NEGR1: variants seen among roughly 807,000 people sequenced by gnomAD.
The protein encoded by NEGR1 is neuronal growth regulator 1.
NEGR1 carries 10 observed loss-of-function variants against 40.9 expected under a neutral mutation model. The observed-to-expected ratio is 0.24, with a 90% CI of 0.15 to 0.42. The LOEUF is 0.42. Among genes scored for constraint, NEGR1 ranks in the 10% least tolerant of loss-of-function variants. The pLI, the probability that NEGR1 is intolerant of heterozygous loss-of-function variation, is 1.00. For missense variants in NEGR1, 352 were observed against 438.9 expected (o/e 0.80, Z 1.77); for synonymous variants, 185 against 166.8 (o/e 1.11, Z -0.84).
At chr1:71,690,140 C>T (rs952237534) in intron 4 of NEGR1, among the ~76,000 whole-genome samples, 1 of 151,996 alleles carries the variant, frequency 6.6e-6, no homozygotes, top group African/African-American at 2.4e-5. Flanking sequence ...TATACACATA[C>T]ACAAAACACA....
chr1:72,256,441 C>A (rs888579357), intron 1 of NEGR1, among the ~76,000 whole-genome samples: 19 of 152,112 alleles, frequency 1.2e-4, no homozygotes, highest in African/African-American at 3.9e-4. Context: ...CAAGATTGTG[C>A]TTTTTGTTTA....
intron 4 of NEGR1, among the ~76,000 whole-genome samples, chr1:71,632,163 T>C (rs1291143204): frequency 2.6e-5 from 4 of 151,750 alleles, no homozygotes; most frequent in Non-Finnish European, 3.0e-5. Flanking sequence ...GAACTGTAAA[T>C]ATGGAACCTA....
At chr1:71,417,643 G>GCATAC (rs1000766792) in intron 6 of NEGR1, among the ~76,000 whole-genome samples, 12 of 152,210 alleles carry the variant, frequency 7.9e-5, no homozygotes, top group African/African-American at 2.6e-4. Flanking sequence ...TAACAATCAA[G>GCATAC]CATACGAGGT....
intron 6 of NEGR1, among the ~76,000 whole-genome samples, chr1:71,554,696 TC>T (rs1226771471): frequency 1.3e-5 from 2 of 151,582 alleles, no homozygotes; most frequent in African/African-American, 4.8e-5. Context: ...ATTTGGACAT[TC>T]TAGAATAAAA....
chr1:72,079,021 G>T (rs7542974), intron 1 of NEGR1, among the ~76,000 whole-genome samples: 1 of 149,684 alleles, frequency 6.7e-6, no homozygotes, highest in Non-Finnish European at 1.5e-5. Context: ...TGATAAATGA[G>T]GTTATTTAGA....
At chr1:72,046,821 T>A (rs1408775019) in intron 1 of NEGR1, among the ~76,000 whole-genome samples, 3 of 151,524 alleles carry the variant, frequency 2.0e-5, no homozygotes, top group Admixed American at 6.6e-5. Flanking sequence ...CAGAAGAAAC[T>A]TAATGTATAA....
At chr1:72,201,803 T>C (rs1341231028) in intron 1 of NEGR1, among the ~76,000 whole-genome samples, 2 of 151,968 alleles carry the variant, frequency 1.3e-5, no homozygotes, top group Non-Finnish European at 2.9e-5. Flanking sequence ...TAAAAAGGTA[T>C]GAGAATATAA....
intron 4 of NEGR1, among the ~76,000 whole-genome samples, chr1:71,628,697 G>C (rs1650870675): frequency 6.6e-6 from 1 of 151,862 alleles, no homozygotes; most frequent in South Asian, 2.1e-4. Flanking sequence ...AGTTTGCTGA[G>C]AATGATGGTT....
chr1:72,251,382 AT>A (rs1157067895), intron 1 of NEGR1, among the ~76,000 whole-genome samples: 1 of 152,202 alleles, frequency 6.6e-6, no homozygotes, highest in African/African-American at 2.4e-5. Flanking sequence ...ACATTAATAG[AT>A]AATAATTACA....
chr1:71,675,785 G>T (rs1315942405), intron 4 of NEGR1, among the ~76,000 whole-genome samples: 2 of 45,444 alleles, frequency 4.4e-5, no homozygotes, highest in African/African-American at 6.2e-5. Flanking sequence ...TGTTGTTGTT[G>T]TTTGTTTTTT....
At chr1:71,880,090 C>T (rs2101842000) in intron 2 of NEGR1, among the ~76,000 whole-genome samples, 1 of 152,090 alleles carries the variant, frequency 6.6e-6, no homozygotes, top group South Asian at 2.1e-4. Flanking sequence ...GTAATATTTT[C>T]AGAAGTATGT....
At chr1:71,733,487 T>C (rs1654951631) in intron 3 of NEGR1, among the ~76,000 whole-genome samples, 2 of 152,200 alleles carry the variant, frequency 1.3e-5, no homozygotes, top group Non-Finnish European at 2.9e-5. Context: ...TTTGCCATCA[T>C]GCCTCCAGTT....
intron 1 of NEGR1, among the ~76,000 whole-genome samples, chr1:72,029,488 A>G (rs964147235): frequency 7.2e-5 from 11 of 152,216 alleles, no homozygotes; most frequent in Admixed American, 6.5e-5. Flanking sequence ...TGACACTCAT[A>G]GAATGGATCA....
At position 71,894,078 on chromosome 1, in the gene NEGR1, C is replaced by CG. The variant is rs1278084951; in HGVS notation, c.409+41000dup. Among the ~76,000 whole-genome samples the CG allele has an allele frequency of 2.0e-3, 214 of 106,934 alleles. 1 individual carries two copies. The highest frequency in any genetic ancestry group is 7.4e-3 in the African/African-American group (209 of 28,404). The allele number at this position is 106,934 out of a possible 152,430, so 70.2% of individuals were successfully genotyped here. On this transcript the variant is annotated intron_variant, in intron 2 of 6. Coordinates refer to ENST00000357731, the MANE Select transcript of NEGR1 (RefSeq NM_173808.3). Reference sequence around the variant, plus strand: ...CACACTCTGGGGACTGTGGTGGGGTCGGGGGAGGGGGGAGGGATAGCATTG... The same window carrying CG: ...CACACTCTGGGGACTGTGGTGGGGTCGGGGGGAGGGGGGAGGGATAGCATTG...
chr1:72,118,437 C>G (rs1649663786), intron 1 of NEGR1, among the ~76,000 whole-genome samples: 1 of 151,766 alleles, frequency 6.6e-6, no homozygotes. Flanking sequence ...AATGGGAGGA[C>G]AGATGGTGGG....
chr1:71,925,340 A>C (rs1645762715), intron 2 of NEGR1, among the ~76,000 whole-genome samples: 1 of 152,228 alleles, frequency 6.6e-6, no homozygotes, highest in South Asian at 2.1e-4. Context: ...CTGACAACTT[A>C]GTGCAGGTGC....
intron 2 of NEGR1, among the ~76,000 whole-genome samples, chr1:71,777,847 C>A (rs1221705979): frequency 1.3e-5 from 2 of 151,954 alleles, no homozygotes; most frequent in African/African-American, 4.8e-5. Context: ...AAGTAATACA[C>A]CACTGTAACT....
At chr1:72,214,232 A>G (rs1173093349) in intron 1 of NEGR1, among the ~76,000 whole-genome samples, 1 of 152,122 alleles carries the variant, frequency 6.6e-6, no homozygotes, top group African/African-American at 2.4e-5. Flanking sequence ...ACTAAGAGCT[A>G]TTTATGACAC....
intron 6 of NEGR1, among the ~76,000 whole-genome samples, chr1:71,479,886 T>A (rs540846593): frequency 8.6e-5 from 13 of 151,988 alleles, no homozygotes; most frequent in Non-Finnish European, 1.8e-4. Flanking sequence ...CCGTGATTGC[T>A]TGCCTGTAAA....
Sources: allele counts gnomAD v4.1 joint callset (sites outside exome capture counted in the v4.1 genomes callset), GRCh38; gene constraint gnomAD v4.1.1; transcripts MANE v1.5; gene names NCBI Gene and HGNC (gene_info 2026-07-23, HGNC 2026-07-21).